The following ARMC8 variants were observed in gnomAD, a reference collection of about 807,000 sequenced individuals.
The protein encoded by ARMC8 is armadillo repeat containing 8, also known as armadillo repeat-containing protein 8.
ARMC8 carries 20 observed loss-of-function variants against 99.3 expected under a neutral mutation model. The ratio of observed to expected loss-of-function variants is 0.20; its 90% CI spans 0.14 to 0.29. The LOEUF is 0.29. Ranked by LOEUF, ARMC8 falls within the 10% of genes least tolerant of loss-of-function variation. The probability of loss-of-function intolerance (pLI) is 1.00; values close to 1 mark genes in which losing one functional copy is unlikely to be tolerated. For synonymous variants in ARMC8, 263 were observed against 278.3 expected (o/e 0.95, Z 0.55); for missense variants, 569 against 809.5 (o/e 0.70, Z 3.60).
rs2045512676 is a variant in ARMC8, at chr3:138,223,416, C to T, written c.222C>T (p.Thr74=). ...PRLLYLLQQE[T]SSTELKTECA... Reference sequence around the variant, plus strand: ...TGTTGTACTTGCTTCAGCAAGAAACCTCAAGCACAGAGCTGAAAACTGAAT... The same window carrying T: ...TGTTGTACTTGCTTCAGCAAGAAACTTCAAGCACAGAGCTGAAAACTGAAT... Residue 74 remains threonine (T), a synonymous_variant, in exon 4 of 22, where the codon ACC becomes ACT. Transcript: ENST00000469044. 6.2e-7 allele frequency: 1 copy of T among 1,614,074 alleles called. No homozygotes were observed. Among genetic ancestry groups the T allele is most frequent in the Non-Finnish European group, 8.5e-7 (1 of 1,180,000 alleles).
intron 1 of ARMC8, among the ~76,000 whole-genome samples, chr3:138,191,342 T>C (rs184283526): frequency 1.1e-4 from 17 of 152,346 alleles, no homozygotes; most frequent in African/African-American, 3.6e-4. Context: ...TTCTATACTT[T>C]TGAATTATGT....
rs181345892 is a variant in ARMC8 at position 138,254,325 on chromosome 3, T to C, written c.1134+9142T>C. Among the ~76,000 whole-genome samples the C allele has an allele frequency of 1.2e-4, 19 of 152,346 alleles. No individual in the cohort carries two copies. The East Asian group carries it at 2.9e-3, about 23-fold the overall frequency. ...AGTACCTGGCATATTGTAGGTGTTA[T>C]ACTTTATCTATTGAGTAATTTTTAT... On this transcript the variant is annotated intron_variant, in intron 12 of 21. Coordinates refer to ENST00000469044, the MANE Select transcript of ARMC8 (RefSeq NM_001363941.2).
At chr3:138,269,283 TC>T (rs1441891182) in intron 15 of ARMC8, among the ~76,000 whole-genome samples, 2 of 152,232 alleles carry the variant, frequency 1.3e-5, no homozygotes, top group Non-Finnish European at 2.9e-5. Context: ...GTTTCTATAA[TC>T]CTCTTGACAA....
At chr3:138,255,518 C>G (rs1450084154) in intron 12 of ARMC8, among the ~76,000 whole-genome samples, 4 of 151,722 alleles carry the variant, frequency 2.6e-5, no homozygotes, top group Non-Finnish European at 4.4e-5. Flanking sequence ...TTTCTGTTGA[C>G]TCAAGATCAT....
chr3:138,292,458 G>A (rs2051054285), intron 21 of ARMC8, among the ~76,000 whole-genome samples: 1 of 152,202 alleles, frequency 6.6e-6, no homozygotes, highest in South Asian at 2.1e-4. Flanking sequence ...TAAGGGAGTG[G>A]GGGGATTAGT....
chr3:138,208,132 G>A (rs1315986076), intron 1 of ARMC8, among the ~76,000 whole-genome samples: 3 of 150,132 alleles, frequency 2.0e-5, no homozygotes, highest in African/African-American at 7.3e-5. Context: ...GGAGGTATTT[G>A]AGTTGCCTTT....
At chr3:138,215,195 C>T (rs1308792292) in intron 2 of ARMC8, among the ~76,000 whole-genome samples, 8 of 152,034 alleles carry the variant, frequency 5.3e-5, no homozygotes, top group Middle Eastern at 3.4e-3. Context: ...TATATATTTG[C>T]GTGCATATGT....
intron 17 of ARMC8, 61 bp downstream of exon 17, chr3:138,273,177 G>T: frequency 6.7e-7 from 1 of 1,495,160 alleles, no homozygotes; most frequent in Admixed American, 2.0e-5. Flanking sequence ...GCAAGACATT[G>T]CTCTCTCTCT....
chr3:138,205,093 A>G, intron 1 of ARMC8, among the ~76,000 whole-genome samples: 1 of 100,494 alleles, frequency 1.0e-5, no homozygotes, highest in African/African-American at 4.3e-5. Context: ...TTTTGAGGTG[A>G]AGTCTCACTC....
chr3:138,204,316 C>T (rs1311231152), intron 1 of ARMC8, among the ~76,000 whole-genome samples: 2 of 152,152 alleles, frequency 1.3e-5, no homozygotes, highest in Non-Finnish European at 2.9e-5. Flanking sequence ...AAATCCCATT[C>T]TCCCTCAGTT....
intron 12 of ARMC8, chr3:138,246,313 G>GA: frequency 1.0e-6 from 1 of 985,702 alleles, no homozygotes; most frequent in Non-Finnish European, 1.2e-6. Context: ...ACTTTGACTT[G>GA]AAGTGTTTTT....
chr3:138,234,429 G>A (rs1208638553), intron 6 of ARMC8, among the ~76,000 whole-genome samples: 5 of 152,064 alleles, frequency 3.3e-5, no homozygotes, highest in African/African-American at 1.2e-4. Flanking sequence ...CTTTTAAAAA[G>A]AAAAATGAGA....
At chr3:138,281,362 G>A (rs1294642776) in intron 18 of ARMC8, among the ~76,000 whole-genome samples, 1 of 150,810 alleles carries the variant, frequency 6.6e-6, no homozygotes, top group African/African-American at 2.4e-5. Flanking sequence ...ACGCGATATC[G>A]GCTCACTGCA....
At position 138,203,322 on chromosome 3, in the gene ARMC8, TTTA is replaced by T. The variant is rs2044181293; in HGVS notation, c.46-6490_46-6488del. On this transcript the variant is annotated intron_variant, in intron 1 of 21. Coordinates refer to ENST00000469044, the MANE Select transcript of ARMC8 (RefSeq NM_001363941.2). ...CCCCAAAACTTAGCTGCTTAAATCA[TTTA>T]TTATCTCAGTTTCTGTAGGTTAGTA... 2.6e-5 allele frequency among the ~76,000 whole-genome samples: 4 copies of T among 152,244 alleles called. No homozygotes were observed. The South Asian group carries it at 8.3e-4, about 32-fold the overall frequency.
chr3:138,230,609 G>T (rs1285037685), intron 6 of ARMC8, among the ~76,000 whole-genome samples: 3 of 152,104 alleles, frequency 2.0e-5, no homozygotes, highest in Non-Finnish European at 4.4e-5. Context: ...ACCAGTCATT[G>T]CACCACTGTA....
chr3:138,256,610 C>T (rs1384180446), intron 12 of ARMC8, among the ~76,000 whole-genome samples: 1 of 151,900 alleles, frequency 6.6e-6, no homozygotes, highest in African/African-American at 2.4e-5. Flanking sequence ...CGGGGTTTCA[C>T]CGTGTTAGCC....
chr3:138,190,725 A>G (rs891450273), intron 1 of ARMC8, among the ~76,000 whole-genome samples: 6 of 152,138 alleles, frequency 3.9e-5, no homozygotes, highest in East Asian at 1.9e-4. Context: ...TTAACTTTGT[A>G]TATATATATT....
intron 1 of ARMC8, among the ~76,000 whole-genome samples, chr3:138,204,586 C>T (rs1490905326): frequency 6.6e-6 from 1 of 152,152 alleles, no homozygotes; most frequent in Admixed American, 6.5e-5. Context: ...AGGCTTTGGC[C>T]CCACTGTACT....
chr3:138,252,112 G>T (rs990644125), intron 12 of ARMC8, among the ~76,000 whole-genome samples: 1 of 152,184 alleles, frequency 6.6e-6, no homozygotes, highest in African/African-American at 2.4e-5. Context: ...TAGCATAGAG[G>T]TTGGTAAACT....
Sources: allele counts gnomAD v4.1 joint callset (sites outside exome capture counted in the v4.1 genomes callset), GRCh38; gene constraint gnomAD v4.1.1; transcripts MANE v1.5; gene names NCBI Gene and HGNC (gene_info 2026-07-23, HGNC 2026-07-21).